The following CSMD1 variants were observed in gnomAD, a reference collection of about 807,000 sequenced individuals.
CSMD1 encodes CUB and sushi domain-containing protein 1.
In CSMD1, 213 loss-of-function variants were observed where a neutral mutation model predicts 417.5. The ratio of observed to expected loss-of-function variants is 0.51; its 90% CI spans 0.46 to 0.57. CSMD1 has a LOEUF of 0.57. Ranked by LOEUF, CSMD1 falls within the 20% of genes least tolerant of loss-of-function variation. CSMD1 has a pLI of 0.00. For missense variants in CSMD1, 6,923 were observed against 4,529.7 expected (o/e 1.53, Z -15.17); for synonymous variants, 2,862 against 1,736.8 (o/e 1.65, Z -16.11).
chr8:4,151,902 G>A (rs1215899843), intron 3 of CSMD1, among the ~76,000 whole-genome samples: 3 of 152,294 alleles, frequency 2.0e-5, no homozygotes, highest in South Asian at 2.1e-4. Flanking sequence ...GGGCAGAGAA[G>A]TCCATTTGTC....
At chr8:3,496,462 T>C (rs919231947) in intron 10 of CSMD1, among the ~76,000 whole-genome samples, 1 of 152,246 alleles carries the variant, frequency 6.6e-6, no homozygotes, top group Non-Finnish European at 1.5e-5. Flanking sequence ...GGAGTGTTTA[T>C]TTGAAATCTT....
intron 49 of CSMD1, among the ~76,000 whole-genome samples, chr8:3,070,985 C>A (rs564410934): frequency 2.0e-5 from 3 of 152,224 alleles, no homozygotes; most frequent in East Asian, 3.9e-4. Context: ...CCTGGGGAGA[C>A]CTGAGGGAGA....
At position 3,135,306 on chromosome 8, in the gene CSMD1, C is replaced by G. The variant is rs190869733; in HGVS notation, c.6241+7159G>C. ...AATAAAAATCTCTTGCATACAAATA[C>G]TTCATTTACATAGAGTTTTAATCCA... On this transcript the variant is annotated intron_variant, in intron 41 of 69. Transcript: ENST00000635120. 9.5e-4 allele frequency among the ~76,000 whole-genome samples: 144 copies of G among 152,336 alleles called. 1 individual carries two copies. The highest frequency in any genetic ancestry group is 1.9e-3 in the Non-Finnish European group (126 of 68,038).
At chr8:4,138,920 G>C (rs912457093) in intron 3 of CSMD1, among the ~76,000 whole-genome samples, 3 of 152,146 alleles carry the variant, frequency 2.0e-5, no homozygotes, top group African/African-American at 4.8e-5. Context: ...AGTCCTGCAA[G>C]CTTCTATTTA....
chr8:4,148,944 G>A (rs1050971838), intron 3 of CSMD1, among the ~76,000 whole-genome samples: 1 of 149,260 alleles, frequency 6.7e-6, no homozygotes, highest in South Asian at 2.2e-4. Context: ...AACTTCACCT[G>A]TAATTAAACA....
At chr8:3,807,021 T>A (rs1800778003) in intron 5 of CSMD1, among the ~76,000 whole-genome samples, 1 of 152,136 alleles carries the variant, frequency 6.6e-6, no homozygotes, top group Non-Finnish European at 1.5e-5. Flanking sequence ...GCTAGAAATA[T>A]TGTAACCCAG....
intron 8 of CSMD1, among the ~76,000 whole-genome samples, chr8:3,599,149 G>GTGTCTC (rs35919818): frequency 1.1e-3 from 163 of 146,522 alleles, no homozygotes; most frequent in African/African-American, 4.0e-3. Flanking sequence ...GTGTGTGTGT[G>GTGTCTC]TCTGTGTGTG....
intron 3 of CSMD1, among the ~76,000 whole-genome samples, chr8:4,182,954 C>G (rs572017951): frequency 1.3e-5 from 2 of 151,844 alleles, no homozygotes; most frequent in African/African-American, 4.8e-5. Flanking sequence ...AGATAATGGC[C>G]AATAAAGAAA....
At chr8:4,591,342 A>G (rs761465952) in intron 2 of CSMD1, among the ~76,000 whole-genome samples, 2 of 152,234 alleles carry the variant, frequency 1.3e-5, no homozygotes, top group Non-Finnish European at 2.9e-5. Flanking sequence ...GTCAGACAAA[A>G]TTCACAGACA....
At chr8:3,530,395 T>C (rs1797927776) in intron 10 of CSMD1, among the ~76,000 whole-genome samples, 1 of 152,238 alleles carries the variant, frequency 6.6e-6, no homozygotes, top group Non-Finnish European at 1.5e-5. Flanking sequence ...CAATTTCCCT[T>C]GTGATTTTTT....
At position 3,081,247 on chromosome 8, in the gene CSMD1, T is replaced by C. The variant is rs1814075902; in HGVS notation, c.7474+5850A>G. Among the ~76,000 whole-genome samples, 3 of 152,346 alleles carry C rather than the reference T, an allele frequency of 2.0e-5. No homozygotes were observed. The South Asian group carries it at 6.2e-4, about 32-fold the overall frequency. ...TAGTAACTATTTGAATATATTCTTCTAGATATTTTTGTAAAGGAGAAGAAC... is the reference window on the plus strand; with the variant it reads ...TAGTAACTATTTGAATATATTCTTCCAGATATTTTTGTAAAGGAGAAGAAC... On this transcript the variant is annotated intron_variant, in intron 49 of 69. Coordinates refer to ENST00000635120, the MANE Select transcript of CSMD1 (RefSeq NM_033225.6).
intron 1 of CSMD1, among the ~76,000 whole-genome samples, chr8:4,926,369 A>C (rs964260216): frequency 6.6e-6 from 1 of 152,298 alleles, no homozygotes. Context: ...TGAACTCTTT[A>C]TCTTTACGAT....
intron 5 of CSMD1, among the ~76,000 whole-genome samples, chr8:3,947,683 A>G (rs933569332): frequency 3.9e-5 from 6 of 152,214 alleles, no homozygotes; most frequent in African/African-American, 1.4e-4. Context: ...AGATAATATA[A>G]CATAGTATCA....
At chr8:4,206,564 T>G (rs1347752368) in intron 3 of CSMD1, among the ~76,000 whole-genome samples, 2 of 152,200 alleles carry the variant, frequency 1.3e-5, no homozygotes, top group Non-Finnish European at 2.9e-5. Context: ...ATGTGCCACA[T>G]TTTCTTAATC....
At chr8:4,490,753 G>T (rs1012956964) in intron 2 of CSMD1, among the ~76,000 whole-genome samples, 1 of 152,190 alleles carries the variant, frequency 6.6e-6, no homozygotes, top group Admixed American at 6.5e-5. Flanking sequence ...CCCAGGGTCA[G>T]ATTGTGCACT....
chr8:3,615,048 G>C (rs1200154005), intron 8 of CSMD1, among the ~76,000 whole-genome samples: 2 of 152,178 alleles, frequency 1.3e-5, no homozygotes, highest in Admixed American at 1.3e-4. Flanking sequence ...TTTCAAAAGA[G>C]ATAAAATTCC....
chr8:4,915,907 C>A (rs1469462669), intron 1 of CSMD1, among the ~76,000 whole-genome samples: 1 of 152,174 alleles, frequency 6.6e-6, no homozygotes, highest in African/African-American at 2.4e-5. Context: ...GCAGGAGTGG[C>A]TCTTCATGGG....
chr8:4,163,974 G>T (rs1375004963), intron 3 of CSMD1, among the ~76,000 whole-genome samples: 15 of 152,164 alleles, frequency 9.9e-5, no homozygotes, highest in South Asian at 4.1e-4. Context: ...TTAGGGTGGT[G>T]ATGTGGGATT....
At chr8:4,517,682 T>C (rs531889740) in intron 2 of CSMD1, among the ~76,000 whole-genome samples, 2 of 152,368 alleles carry the variant, frequency 1.3e-5, no homozygotes, top group African/African-American at 2.4e-5. Flanking sequence ...TATATGTTAA[T>C]AATCAAACAC....
Sources: gnomAD v4.1 joint callset for allele counts (sites outside exome capture counted in the v4.1 genomes callset) on GRCh38, gnomAD v4.1.1 for gene constraint, MANE v1.5 for transcripts, NCBI Gene and HGNC (gene_info 2026-07-23, HGNC 2026-07-21) for gene names.